Variants in IL1RAPL2 observed in about 807,000 individuals in gnomAD.
IL1RAPL2 encodes the protein X-linked interleukin-1 receptor accessory protein-like 2.
A neutral mutation model predicts 44.1 loss-of-function variants in IL1RAPL2; 3 were observed. That is an observed-to-expected ratio of 0.07 (90% CI 0.03 to 0.18). The LOEUF (loss-of-function observed/expected upper bound fraction) is 0.18. Among genes scored for constraint, IL1RAPL2 ranks in the 10% least tolerant of loss-of-function variants. The pLI, the probability that IL1RAPL2 is intolerant of heterozygous loss-of-function variation, is 1.00. For synonymous variants in IL1RAPL2, 181 were observed against 178.8 expected (o/e 1.01, Z -0.10); for missense variants, 391 against 496.4 (o/e 0.79, Z 2.02).
At chrX:104,692,503 C>T (rs1021726294) in intron 2 of IL1RAPL2, among the ~76,000 whole-genome samples, 1 of 108,894 alleles carries the variant, frequency 9.2e-6, no homozygotes, top group Non-Finnish European at 1.9e-5. Context: ...CCTCCCCCTT[C>T]CCCCCACCCC....
At chrX:104,957,524 G>C (rs775951887) in intron 2 of IL1RAPL2, among the ~76,000 whole-genome samples, 3 of 111,403 alleles carry the variant, frequency 2.7e-5, no homozygotes, top group Non-Finnish European at 5.7e-5. Context: ...TAGTGTAATT[G>C]GATTTTGAGG....
At chrX:104,632,847 G>A (rs1450526550) in intron 1 of IL1RAPL2, among the ~76,000 whole-genome samples, 1 of 110,095 alleles carries the variant, frequency 9.1e-6, no homozygotes, top group Admixed American at 9.8e-5. Flanking sequence ...TCTCCTGCCT[G>A]ATTGCCCTGG....
intron 2 of IL1RAPL2, among the ~76,000 whole-genome samples, chrX:104,829,222 G>T (rs1334716673): frequency 8.9e-6 from 1 of 111,919 alleles, no homozygotes; most frequent in East Asian, 2.8e-4. Context: ...CCAAATGGCT[G>T]CCCAATTTTG....
intron 5 of IL1RAPL2, among the ~76,000 whole-genome samples, chrX:105,277,794 A>G (rs2034497853): frequency 9.1e-6 from 1 of 110,077 alleles, no homozygotes; most frequent in South Asian, 3.9e-4. Flanking sequence ...AACAAGGTCA[A>G]CAATATTCAT....
intron 2 of IL1RAPL2, among the ~76,000 whole-genome samples, chrX:104,911,027 A>T (rs745350026): frequency 8.9e-6 from 1 of 112,210 alleles, no homozygotes; most frequent in East Asian, 2.8e-4. Flanking sequence ...TGCCAATAAA[A>T]TAGAAAACAA....
chrX:104,902,637 G>A (rs1049177847), intron 2 of IL1RAPL2, among the ~76,000 whole-genome samples: 8 of 111,802 alleles, frequency 7.2e-5, no homozygotes, highest in African/African-American at 2.3e-4. Flanking sequence ...TGACATTTCC[G>A]TTGCAGAATA....
At chrX:104,760,828 G>A (rs1270568434) in intron 2 of IL1RAPL2, among the ~76,000 whole-genome samples, 1 of 111,355 alleles carries the variant, frequency 9.0e-6, no homozygotes. Flanking sequence ...CTATGCTTGT[G>A]GGGTATTACT....
chrX:104,876,060 G>A (rs1231960230), intron 2 of IL1RAPL2, among the ~76,000 whole-genome samples: 2 of 111,020 alleles, frequency 1.8e-5, no homozygotes, highest in Non-Finnish European at 3.8e-5. Flanking sequence ...TTAGTGGGTT[G>A]AATGATTTCT....
chrX:104,636,843 C>A (rs750567063), intron 1 of IL1RAPL2, among the ~76,000 whole-genome samples: 2 of 111,880 alleles, frequency 1.8e-5, no homozygotes, highest in African/African-American at 6.5e-5. Context: ...GTGCTGCACC[C>A]ACTGTCCTGC....
At chrX:105,231,223 C>G (rs1236063790) in intron 3 of IL1RAPL2, among the ~76,000 whole-genome samples, 1 of 112,100 alleles carries the variant, frequency 8.9e-6, no homozygotes, top group East Asian at 2.8e-4. Flanking sequence ...CATTTAGCTT[C>G]CCTCTATCCC....
chrX:104,626,042 A>G (rs1008230691), intron 1 of IL1RAPL2, among the ~76,000 whole-genome samples: 4 of 111,053 alleles, frequency 3.6e-5, no homozygotes, highest in Admixed American at 1.9e-4. Context: ...GCTTATTACT[A>G]TGCATCAGAT....
intron 6 of IL1RAPL2, among the ~76,000 whole-genome samples, chrX:105,512,133 C>T (rs1044899590): frequency 1.8e-5 from 2 of 111,214 alleles, no homozygotes; most frequent in African/African-American, 6.5e-5. Flanking sequence ...AAAACTGTCA[C>T]AAGCAGCTTT....
chrX:104,777,726 G>A (rs1382089220), intron 2 of IL1RAPL2, among the ~76,000 whole-genome samples: 3 of 109,288 alleles, frequency 2.7e-5, no homozygotes, highest in African/African-American at 1.0e-4. Context: ...ACAGGCTCCC[G>A]CCACCATGCC....
At chrX:104,673,366 A>G (rs981341691) in intron 2 of IL1RAPL2, among the ~76,000 whole-genome samples, 20 of 111,126 alleles carry the variant, frequency 1.8e-4, no homozygotes, top group Admixed American at 3.8e-4. Flanking sequence ...TCCTTTCCCC[A>G]TTGCTTGTTT....
At chrX:105,579,751 G>C (rs2037075172) in intron 6 of IL1RAPL2, among the ~76,000 whole-genome samples, 1 of 111,852 alleles carries the variant, frequency 8.9e-6, no homozygotes, top group Non-Finnish European at 1.9e-5. Context: ...TATGAAGCCA[G>C]TACTCAATTC....
At chrX:104,744,620 C>T (rs1486417036) in intron 2 of IL1RAPL2, among the ~76,000 whole-genome samples, 1 of 111,283 alleles carries the variant, frequency 9.0e-6, no homozygotes, top group Non-Finnish European at 1.9e-5. Context: ...CTTCATAGCA[C>T]AATTTATTAA....
intron 2 of IL1RAPL2, among the ~76,000 whole-genome samples, chrX:104,673,848 C>G (rs1930676859): frequency 9.2e-6 from 1 of 108,931 alleles, no homozygotes; most frequent in Admixed American, 9.8e-5. Flanking sequence ...GTATTTTATT[C>G]TCTTTGAGGC....
intron 5 of IL1RAPL2, among the ~76,000 whole-genome samples, chrX:105,319,784 G>T (rs2034882890): frequency 8.9e-6 from 1 of 111,785 alleles, no homozygotes; most frequent in Non-Finnish European, 1.9e-5. Flanking sequence ...TGGAAATAAC[G>T]CTGTGCACAC....
intron 5 of IL1RAPL2, among the ~76,000 whole-genome samples, chrX:105,428,146 C>T (rs2035823730): frequency 9.0e-6 from 1 of 111,130 alleles, no homozygotes; most frequent in Admixed American, 9.6e-5. Flanking sequence ...CAAAAAACTA[C>T]AAAATATTTG....
Sources: allele counts gnomAD v4.1 joint callset (sites outside exome capture counted in the v4.1 genomes callset), GRCh38; gene constraint gnomAD v4.1.1; transcripts MANE v1.5; gene names NCBI Gene and HGNC (gene_info 2026-07-23, HGNC 2026-07-21).